RELN: variants seen among roughly 807,000 people sequenced by gnomAD.
RELN encodes the protein reelin.
In RELN, 108 loss-of-function variants were observed where a neutral mutation model predicts 427.6. That is an observed-to-expected ratio of 0.25 (90% CI 0.22 to 0.30). The LOEUF (loss-of-function observed/expected upper bound fraction) is 0.30, where lower values mean the gene tolerates loss of function less well. Ranked by LOEUF, RELN falls within the 10% of genes least tolerant of loss-of-function variation. The pLI, the probability that RELN is intolerant of heterozygous loss-of-function variation, is 1.00. For missense variants in RELN, 3,715 were observed against 4,302.8 expected (o/e 0.86, Z 3.82); for synonymous variants, 1,524 against 1,513.4 (o/e 1.01, Z -0.16).
intron 20 of RELN, among the ~76,000 whole-genome samples, chr7:103,623,228 G>C (rs541011539): frequency 6.6e-6 from 1 of 152,106 alleles, no homozygotes; most frequent in Non-Finnish European, 1.5e-5. Context: ...TGAAATGGTC[G>C]CTGAGGTGGC....
rs533224318 is a variant in RELN at position 103,727,882 on chromosome 7, T to C, written c.753+229A>G. 9.9e-5 allele frequency among the ~76,000 whole-genome samples: 15 copies of C among 152,186 alleles called. 1 individual carries two copies. The East Asian group carries it at 2.7e-3, about 28-fold the overall frequency. On this transcript the variant is annotated intron_variant, in intron 7 of 64. Coordinates refer to ENST00000428762, the MANE Select transcript of RELN (RefSeq NM_005045.4). ...GCCATCTAATCATAGTGATGTTCCA[T>C]GTTTAATGATATCCATTGATGCTGA...
chr7:103,923,832 C>T (rs1331506037), intron 1 of RELN, among the ~76,000 whole-genome samples: 1 of 152,066 alleles, frequency 6.6e-6, no homozygotes, highest in Non-Finnish European at 1.5e-5. Flanking sequence ...AGCTCTTTAC[C>T]CTCAGATTTA....
At chr7:103,780,718 G>C (rs898456358) in intron 3 of RELN, among the ~76,000 whole-genome samples, 3 of 152,128 alleles carry the variant, frequency 2.0e-5, no homozygotes, top group African/African-American at 7.2e-5. Context: ...ATATCCCTAT[G>C]AAGGACCTGA....
chr7:103,575,422 C>T lies in RELN; in HGVS notation c.4303+126G>A, dbSNP rs577344764. 3 of 1,143,798 alleles carry T rather than the reference C, an allele frequency of 2.6e-6. No individual in the cohort carries two copies. The African/African-American group carries it at 4.6e-5, about 17-fold the overall frequency. The allele number at this position is 1,143,798 out of a possible 1,614,324, so 70.9% of individuals were successfully genotyped here. On this transcript the variant is annotated intron_variant, in intron 29 of 64. Coordinates refer to ENST00000428762, the MANE Select transcript of RELN (RefSeq NM_005045.4). ...CCTCATGTGCCTGGGTTGTGAATTC[C>T]TACAATTCCTAGACTTAAAGAGGAA... is the stretch of plus-strand genomic sequence containing the variant.
At position 103,553,837 on chromosome 7, in the gene RELN, G is replaced by A; in HGVS notation, c.5798-6C>T. On this transcript the variant is annotated splice_polypyrimidine_tract_variant and splice_region_variant and intron_variant, in intron 38 of 64. Coordinates refer to ENST00000428762, the MANE Select transcript of RELN (RefSeq NM_005045.4). ...CCAGATTTCTTCTTTCTTACCTAAG[G>A]CATTTTTGGATAAAGCAAGTTTTTC... 1 of 1,613,308 alleles carries A rather than the reference G, an allele frequency of 6.2e-7. No individual in the cohort carries two copies. Among genetic ancestry groups the A allele is most frequent in the Non-Finnish European group, 8.5e-7 (1 of 1,179,414 alleles).
intron 5 of RELN, among the ~76,000 whole-genome samples, chr7:103,752,001 G>C (rs928755850): frequency 2.0e-5 from 3 of 152,106 alleles, no homozygotes; most frequent in African/African-American, 7.2e-5. Context: ...GAAAATTAAC[G>C]CTTAAAGATC....
In RELN at chr7:103,880,270, G is replaced by A. The variant is rs111919387; in HGVS notation, c.337+36805C>T. ...GTAATTTATTAGTAGCTTTCATTTAGAACTTGAAAAAAGGTTTAAAACATA... is the reference window on the plus strand; with the variant it reads ...GTAATTTATTAGTAGCTTTCATTTAAAACTTGAAAAAAGGTTTAAAACATA... On this transcript the variant is annotated intron_variant, in intron 2 of 64. Coordinates refer to ENST00000428762, the MANE Select transcript of RELN (RefSeq NM_005045.4). Among the ~76,000 whole-genome samples, 584 of 152,004 alleles carry A rather than the reference G, an allele frequency of 3.8e-3. 3 individuals carry two copies. The highest frequency in any genetic ancestry group is 0.013 in the African/African-American group (557 of 41,484).
In RELN at chr7:103,875,074, C is replaced by A. The variant is rs1794446857; in HGVS notation, c.338-41402G>T. 1.4e-5 allele frequency among the ~76,000 whole-genome samples: 2 copies of A among 145,602 alleles called. 1 individual carries two copies. Among genetic ancestry groups the A allele is most frequent in the East Asian group, 4.5e-4 (2 of 4,448 alleles). Reference sequence around the variant, plus strand: ...CGCCGCATACCTACAACTATCTGATCTTTGACAAACCTGAGAAAAACAAGC... The same window carrying A: ...CGCCGCATACCTACAACTATCTGATATTTGACAAACCTGAGAAAAACAAGC... On this transcript the variant is annotated intron_variant, in intron 2 of 64. Coordinates refer to ENST00000428762, the MANE Select transcript of RELN (RefSeq NM_005045.4).
At chr7:103,787,236 G>T (rs1295030809) in intron 3 of RELN, among the ~76,000 whole-genome samples, 1 of 151,916 alleles carries the variant, frequency 6.6e-6, no homozygotes, top group African/African-American at 2.4e-5. Context: ...AATGCCCACA[G>T]GAGAAAGCAG....
chr7:103,934,638 G>A (rs1254985876), intron 1 of RELN, among the ~76,000 whole-genome samples: 1 of 152,152 alleles, frequency 6.6e-6, no homozygotes, highest in African/African-American at 2.4e-5. Flanking sequence ...ACAATGAATA[G>A]CATCTCCTCC....
chr7:103,674,946 A>C (rs1223507907), intron 11 of RELN, among the ~76,000 whole-genome samples: 1 of 152,174 alleles, frequency 6.6e-6, no homozygotes, highest in Non-Finnish European at 1.5e-5. Flanking sequence ...AATGGGCAAA[A>C]ACTGGAAGCA....
chr7:103,604,563 T>C, intron 22 of RELN, 80 bp from the exon 23 acceptor site: 1 of 1,453,872 alleles, frequency 6.9e-7, no homozygotes, highest in Non-Finnish European at 9.6e-7. Context: ...GAGTCCAAAA[T>C]CTTTCAGCTA....
chr7:103,515,569 AAAT>A (rs1190980314), intron 49 of RELN, 128 bp from the exon 50 acceptor site: 2 of 1,256,096 alleles, frequency 1.6e-6, no homozygotes, highest in African/African-American at 3.0e-5. Context: ...ACATAAGCTA[AAAT>A]AATTTTCAAA....
intron 11 of RELN, among the ~76,000 whole-genome samples, chr7:103,677,765 CAAAAAA>C (rs60678229): frequency 3.6e-5 from 2 of 56,032 alleles, no homozygotes. Flanking sequence ...GAATCTGTCT[CAAAAAA>C]AAAAAAAAAA....
At chr7:103,801,656 C>T (rs1237799411) in intron 3 of RELN, among the ~76,000 whole-genome samples, 2 of 151,896 alleles carry the variant, frequency 1.3e-5, no homozygotes, top group African/African-American at 4.8e-5. Flanking sequence ...ATGCAGCGGG[C>T]CAGCATGGCA....
chr7:103,978,338 T>C (rs1267549008), intron 1 of RELN, among the ~76,000 whole-genome samples: 1 of 152,166 alleles, frequency 6.6e-6, no homozygotes, highest in Non-Finnish European at 1.5e-5. Context: ...TTCTGTTCCC[T>C]GGCTCATTTC....
intron 2 of RELN, among the ~76,000 whole-genome samples, chr7:103,881,421 T>A (rs1794603405): frequency 6.6e-6 from 1 of 152,134 alleles, no homozygotes; most frequent in Admixed American, 6.5e-5. Flanking sequence ...CATTCTTAAC[T>A]GTTGGCATCA....
chr7:103,871,580 T>C (rs1342151185), intron 2 of RELN, among the ~76,000 whole-genome samples: 3 of 152,108 alleles, frequency 2.0e-5, no homozygotes, highest in Non-Finnish European at 4.4e-5. Flanking sequence ...AGTTGTTTAC[T>C]GGCATACTGC....
intron 29 of RELN, 96 bp downstream of exon 29, chr7:103,575,452 T>A (rs1391157689): frequency 3.1e-5 from 42 of 1,342,982 alleles, no homozygotes; most frequent in Non-Finnish European, 4.4e-5. Context: ...GAGGAATAAA[T>A]TCAGAATTTA....
Sources: allele counts gnomAD v4.1 joint callset (sites outside exome capture counted in the v4.1 genomes callset), GRCh38; gene constraint gnomAD v4.1.1; transcripts MANE v1.5; gene names NCBI Gene and HGNC (gene_info 2026-07-23, HGNC 2026-07-21).